The following TMEM154 variants were observed in gnomAD, a reference collection of about 807,000 sequenced individuals.
TMEM154 encodes transmembrane protein 154.
Under a neutral mutation model 24.5 loss-of-function variants are expected in TMEM154, and 27 were observed. The observed-to-expected ratio is 1.10, with a 90% confidence interval of 0.81 to 1.52. The LOEUF is 1.52. Ranked by LOEUF, TMEM154 falls within the 40% of genes most tolerant of loss-of-function variation. TMEM154 has a pLI of 0.00. For missense variants in TMEM154, 228 were observed against 213.4 expected (o/e 1.07, Z -0.43); for synonymous variants, 67 against 76.8 (o/e 0.87, Z 0.67).
At position 152,626,649 on chromosome 4, in the gene TMEM154, A is replaced by T. The variant is rs1211834952; in HGVS notation, c.*1897T>A. On this transcript the variant is annotated 3_prime_UTR_variant, in exon 7 of 7. Coordinates refer to ENST00000304385, the MANE Select transcript of TMEM154 (RefSeq NM_152680.3). The stretch of plus-strand genomic sequence containing the variant: ...TATTATATAATATGACTTCATCAAC[A>T]TGAAGTTCCAGGACCCCAGATGCCT... The T allele has an allele frequency of 2.6e-5, 4 of 152,212 alleles. No individual in the cohort carries two copies. The highest frequency in any genetic ancestry group is 4.4e-5 in the Non-Finnish European group (3 of 68,028). 9.4% of individuals were successfully genotyped at this position (152,212 alleles called of 1,614,324 possible).
chr4:152,649,198 A>AGGGT lies in TMEM154; in HGVS notation c.364+3339_364+3340insACCC, dbSNP rs1438922479. Among the ~76,000 whole-genome samples, 215 of 152,364 alleles carry AGGGT rather than the reference A, an allele frequency of 1.4e-3. 1 individual carries two copies. Among genetic ancestry groups the AGGGT allele is most frequent in the African/African-American group, 4.7e-3 (194 of 41,586 alleles). On this transcript the variant is annotated intron_variant, in intron 3 of 6. Transcript: ENST00000304385. ...CCTGTCATGGGTGTGAGGGACATAAAGTGAGTTTTGTATACATGTATGACT... is the reference window on the plus strand; with the variant it reads ...CCTGTCATGGGTGTGAGGGACATAAAGGGTGTGAGTTTTGTATACATGTATGACT...
At chr4:152,660,980 G>C (rs1728590215) in intron 1 of TMEM154, among the ~76,000 whole-genome samples, 1 of 152,180 alleles carries the variant, frequency 6.6e-6, no homozygotes. Context: ...CCCGGGAAAA[G>C]AGAAAATAGG....
rs998054224 is a variant in TMEM154 at position 152,626,142 on chromosome 4, A to T, written c.*2404T>A. On this transcript the variant is annotated 3_prime_UTR_variant, in exon 7 of 7. Transcript: ENST00000304385. ...GTATTTTTACATATTTATTAAAACA[A>T]GTTTCCTGAGAAGTTTGACTAGGCT... 13 of 152,622 alleles carry T rather than the reference A, an allele frequency of 8.5e-5. No homozygotes were observed. The highest frequency in any genetic ancestry group is 7.2e-4 in the Admixed American group (11 of 15,274). 9.5% of individuals were successfully genotyped at this position (152,622 alleles called of 1,614,324 possible).
chr4:152,672,090 TAAAA>T (rs11290618), intron 1 of TMEM154, among the ~76,000 whole-genome samples: 5 of 101,906 alleles, frequency 4.9e-5, no homozygotes, highest in African/African-American at 1.1e-4. Context: ...CCTATCTCTA[TAAAA>T]AAAAAAAAAA....
At chr4:152,636,456 T>C (rs2149779030) in intron 6 of TMEM154, among the ~76,000 whole-genome samples, 1 of 152,384 alleles carries the variant, frequency 6.6e-6, no homozygotes, top group South Asian at 2.1e-4. Flanking sequence ...ATTGATTTCT[T>C]TCAAACATGA....
In TMEM154 at chr4:152,624,189, TG is replaced by T. The variant is rs1751881367; in HGVS notation, c.*4356del. The T allele has an allele frequency of 6.6e-6, 1 of 152,236 alleles. No homozygotes were observed. The highest frequency in any genetic ancestry group is 2.1e-4 in the South Asian group (1 of 4,834). The allele number at this position is 152,236 out of a possible 1,614,324, so 9.4% of individuals were successfully genotyped here. A position where few individuals can be genotyped will look rare whatever the true frequency, so the allele number is the denominator to read the frequency against. ...TATCATTCAAAAAGAGCTTAGAGCA[TG>T]TACAGAGTTCATATAAAGCTCTATT... On this transcript the variant is annotated 3_prime_UTR_variant, in exon 7 of 7. Transcript: ENST00000304385.
intron 3 of TMEM154, among the ~76,000 whole-genome samples, chr4:152,651,029 A>T (rs1348576426): frequency 6.6e-6 from 1 of 152,228 alleles, no homozygotes; most frequent in Non-Finnish European, 1.5e-5. Flanking sequence ...ATTTAGCATA[A>T]TTCTTAAGAG....
chr4:152,646,572 G>C (rs1728239932), intron 3 of TMEM154: 1 of 195,244 alleles, frequency 5.1e-6, no homozygotes, highest in Non-Finnish European at 1.1e-5. Context: ...TTTGCAACCA[G>C]GAGGCAAATG....
chr4:152,679,812 G>A, intron 1 of TMEM154, 58 bp downstream of exon 1: 1 of 1,570,372 alleles, frequency 6.4e-7, no homozygotes, highest in Admixed American at 1.9e-5. Flanking sequence ...GTAGCCTCGG[G>A]CACCCTACCA....
chr4:152,640,361 A>C (rs1458384896), intron 6 of TMEM154, among the ~76,000 whole-genome samples: 3 of 152,152 alleles, frequency 2.0e-5, no homozygotes, highest in Non-Finnish European at 4.4e-5. Context: ...TCTAATCAAA[A>C]CACCCCAAAT....
intron 6 of TMEM154, among the ~76,000 whole-genome samples, chr4:152,639,176 C>G (rs1448149326): frequency 6.6e-6 from 1 of 152,134 alleles, no homozygotes; most frequent in African/African-American, 2.4e-5. Context: ...GTCTCGAACT[C>G]CTGGCCTCAG....
intron 1 of TMEM154, chr4:152,669,732 C>T (rs1007429380): frequency 2.0e-5 from 3 of 152,118 alleles, no homozygotes; most frequent in African/African-American, 4.8e-5. Flanking sequence ...ATTGGAATCC[C>T]GTTTCTGAAA....
chr4:152,679,996 G>T lies in TMEM154; in HGVS notation c.-63C>A. On this transcript the variant is annotated 5_prime_UTR_variant, in exon 1 of 7. Coordinates refer to ENST00000304385, the MANE Select transcript of TMEM154 (RefSeq NM_152680.3). ...CGCCGGGCTGCAGCCTCTCTGAAAC[G>T]TGAACATTTCCTGTTTCCTGCTTGT... is the stretch of plus-strand genomic sequence containing the variant. The T allele has an allele frequency of 3.4e-6, 5 of 1,476,454 alleles. No individual in the cohort carries two copies. The highest frequency in any genetic ancestry group is 4.7e-6 in the Non-Finnish European group (5 of 1,072,968). 91.5% of individuals were successfully genotyped at this position (1,476,454 alleles called of 1,614,324 possible).
At chr4:152,645,031 G>A (rs1579517035) in intron 3 of TMEM154, among the ~76,000 whole-genome samples, 1 of 152,072 alleles carries the variant, frequency 6.6e-6, no homozygotes, top group Non-Finnish European at 1.5e-5. Context: ...TTAAAGAAGG[G>A]CCCATCTTTC....
chr4:152,637,383 T>C (rs1425046587), intron 6 of TMEM154, among the ~76,000 whole-genome samples: 1 of 152,028 alleles, frequency 6.6e-6, no homozygotes, highest in African/African-American at 2.4e-5. Context: ...CCATTTCTAT[T>C]AAAAATACAA....
chr4:152,634,031 CAAAAAAAAAAAA>C (rs1167923301), intron 6 of TMEM154, among the ~76,000 whole-genome samples: 2 of 20,412 alleles, frequency 9.8e-5, no homozygotes, highest in Non-Finnish European at 1.0e-4. Context: ...GACCCCATCT[CAAAAAAAAAAAA>C]AAAAAAAAAA....
chr4:152,674,813 C>G (rs1728917863), intron 1 of TMEM154, among the ~76,000 whole-genome samples: 2 of 152,100 alleles, frequency 1.3e-5, no homozygotes, highest in Admixed American at 1.3e-4. Flanking sequence ...GGTGAGCCAT[C>G]CTCGGTGTAC....
At chr4:152,657,380 G>A (rs1561053284) in intron 1 of TMEM154, among the ~76,000 whole-genome samples, 2 of 151,758 alleles carry the variant, frequency 1.3e-5, no homozygotes, top group Non-Finnish European at 2.9e-5. Context: ...TGGGTGTGGT[G>A]GCATGCTCCT....
intron 6 of TMEM154, among the ~76,000 whole-genome samples, chr4:152,640,165 C>G (rs1001813144): frequency 1.3e-5 from 2 of 152,258 alleles, no homozygotes; most frequent in Non-Finnish European, 2.9e-5. Flanking sequence ...TCCATTTATT[C>G]CAACAGAAGT....
Sources: gnomAD v4.1 joint callset for allele counts (sites outside exome capture counted in the v4.1 genomes callset) on GRCh38, gnomAD v4.1.1 for gene constraint, MANE v1.5 for transcripts, NCBI Gene and HGNC (gene_info 2026-07-23, HGNC 2026-07-21) for gene names.